The following TPM4 variants were observed in gnomAD, a reference collection of about 807,000 sequenced individuals.
The protein encoded by TPM4 is tropomyosin 4, also known as tropomyosin alpha-4 chain.
TPM4 carries 17 observed loss-of-function variants against 35.8 expected under a neutral mutation model. The observed-to-expected ratio is 0.47, with a 90% confidence interval of 0.32 to 0.71. The LOEUF (loss-of-function observed/expected upper bound fraction) is 0.71, where lower values mean the gene tolerates loss of function less well. Among genes scored for constraint, TPM4 ranks in the 30% least tolerant of loss-of-function variants. The pLI, the probability that TPM4 is intolerant of heterozygous loss-of-function variation, is 0.03. For missense variants in TPM4, 240 were observed against 320.9 expected (o/e 0.75, Z 1.93); for synonymous variants, 120 against 122.9 (o/e 0.98, Z 0.15).
At chr19:16,090,863 C>A (rs972769366) in intron 5 of TPM4, among the ~76,000 whole-genome samples, 2 of 136,228 alleles carry the variant, frequency 1.5e-5, no homozygotes, top group African/African-American at 5.6e-5. Flanking sequence ...GATGGTGTTT[C>A]ACCATGTTGC....
upstream of TPM4, among the ~76,000 whole-genome samples, chr19:16,074,007 T>A (rs539182428): frequency 7.6e-4 from 81 of 107,058 alleles, no homozygotes; most frequent in African/African-American, 2.6e-3. Context: ...AAGATCAGGT[T>A]AAAAAAAAAA....
chr19:16,084,320 A>G (rs1033724907), intron 2 of TPM4, among the ~76,000 whole-genome samples: 4 of 152,246 alleles, frequency 2.6e-5, no homozygotes, highest in Non-Finnish European at 5.9e-5. Flanking sequence ...CTTCCCAAGT[A>G]GTGGAACAGC....
upstream of TPM4, chr19:16,075,323 G>A (rs769832196): frequency 6.6e-6 from 1 of 152,088 alleles, no homozygotes; most frequent in African/African-American, 2.4e-5. Context: ...ATAAACAGAG[G>A]ACTGAAAATT....
chr19:16,067,543 G>T lies in TPM4; in HGVS notation c.-82G>T. 3 of 1,316,682 alleles carry T rather than the reference G, an allele frequency of 2.3e-6. No individual in the cohort carries two copies. The highest frequency in any genetic ancestry group is 3.2e-6 in the Non-Finnish European group (3 of 944,172). 81.6% of individuals were successfully genotyped at this position (1,316,682 alleles called of 1,614,324 possible). A position where few individuals can be genotyped will look rare whatever the true frequency, so the allele number is the denominator to read the frequency against. ...TCCTCCACCCTGCCAGGCTCACTCT[G>T]CCCCACAGCCACAGCCCCTGACTGC... On this transcript the variant is annotated 5_prime_UTR_variant, in exon 2 of 3. Transcript: ENST00000589897. This position sits in a 1 kb window ranked among gnomAD's most constrained non-coding sequence, Gnocchi z 4.1.
upstream of TPM4, among the ~76,000 whole-genome samples, chr19:16,073,136 G>C (rs1332484389): frequency 6.6e-6 from 1 of 152,042 alleles, no homozygotes; most frequent in Non-Finnish European, 1.5e-5. Context: ...TTGAGCCCAG[G>C]AGTTCGAGAC....
At chr19:16,101,054 C>A in intron 7 of TPM4, 1 of 383,604 alleles carries the variant, frequency 2.6e-6, no homozygotes, top group Non-Finnish European at 5.0e-6. Context: ...GTCTGTAATC[C>A]CAGCTACTCG....
At chr19:16,075,978 A>T, upstream of TPM4, 1 of 1,537,264 alleles carries the variant, frequency 6.5e-7, no homozygotes, top group East Asian at 2.4e-5. Flanking sequence ...ATTGGGGGGG[A>T]CCGCCCCTGC....
chr19:16,100,291 C>T (rs1476981472), intron 7 of TPM4: 1 of 152,164 alleles, frequency 6.6e-6, no homozygotes, highest in African/African-American at 2.4e-5. Context: ...AAATACAGGA[C>T]ACCAACTTAA....
upstream of TPM4, chr19:16,075,024 G>C (rs556392419): frequency 2.6e-5 from 4 of 152,336 alleles, no homozygotes; most frequent in Admixed American, 1.3e-4. Context: ...CCCAGGAGGC[G>C]GAGGTTGCAG....
At chr19:16,099,336 G>T (rs922681197) in intron 7 of TPM4, among the ~76,000 whole-genome samples, 2 of 146,142 alleles carry the variant, frequency 1.4e-5, no homozygotes, top group African/African-American at 4.9e-5. Context: ...GGTGTCTCAT[G>T]CCAGTAATCC....
At chr19:16,097,141 A>G (rs1300461685) in intron 7 of TPM4, among the ~76,000 whole-genome samples, 1 of 151,032 alleles carries the variant, frequency 6.6e-6, no homozygotes, top group Non-Finnish European at 1.5e-5. Flanking sequence ...TTCAGTAGAG[A>G]TGGGGTTTCA....
intron 2 of TPM4, among the ~76,000 whole-genome samples, chr19:16,068,934 C>T (rs751544993): frequency 2.0e-5 from 3 of 152,206 alleles, no homozygotes; most frequent in Admixed American, 1.3e-4. Flanking sequence ...TGGGACGCTG[C>T]GTGCGGCTGT....
chr19:16,079,922 G>A (rs779508510), intron 1 of TPM4: 6 of 176,556 alleles, frequency 3.4e-5, no homozygotes, highest in South Asian at 4.0e-4. Flanking sequence ...GGCTGGTCTC[G>A]AACTCCTGAC....
upstream of TPM4, among the ~76,000 whole-genome samples, chr19:16,074,051 T>C (rs572410066): frequency 3.2e-3 from 392 of 121,978 alleles, no homozygotes; most frequent in Middle Eastern, 0.013. Context: ...CACACACACA[T>C]ATGGGGCACC....
At chr19:16,088,579 C>A in intron 4 of TPM4, 3 of 1,033,400 alleles carry the variant, frequency 2.9e-6, no homozygotes. Flanking sequence ...CTCTTGGCCC[C>A]GGGTGAGGAA....
intron 7 of TPM4, among the ~76,000 whole-genome samples, chr19:16,096,838 A>G (rs1244437757): frequency 2.7e-5 from 4 of 150,264 alleles, no homozygotes; most frequent in African/African-American, 9.8e-5. Context: ...TATAACAGGA[A>G]CCTTGCTTTA....
chr19:16,077,849 C>T (rs1192202333), intron 1 of TPM4: 3 of 266,538 alleles, frequency 1.1e-5, no homozygotes, highest in Admixed American at 5.4e-5. Flanking sequence ...GCAACCTCCA[C>T]CCCCCGAGTT....
rs2090346808 is a variant in TPM4, at chr19:16,070,565, T to TA, written c.114+2828dup. Among the ~76,000 whole-genome samples the TA allele has an allele frequency of 6.6e-6, 1 of 152,218 alleles. No homozygotes were observed. On this transcript the variant is annotated intron_variant, in intron 2 of 2. Transcript: ENST00000589897. This position sits in a 1 kb window ranked among gnomAD's most constrained non-coding sequence, Gnocchi z 7.4. ...CATGTTTGAGTCATGGCTCAGTCGCTAGGTGTCCCGGACGCCTGCATGAGT... is the reference window on the plus strand; with the variant it reads ...CATGTTTGAGTCATGGCTCAGTCGCTAAGGTGTCCCGGACGCCTGCATGAGT...
chr19:16,083,387 A>G (rs1168961740), intron 2 of TPM4, among the ~76,000 whole-genome samples: 1 of 152,154 alleles, frequency 6.6e-6, no homozygotes, highest in Non-Finnish European at 1.5e-5. Flanking sequence ...CAGAGGGTGC[A>G]GTGAGCCAAG....
Sources: allele counts gnomAD v4.1 joint callset (sites outside exome capture counted in the v4.1 genomes callset), GRCh38; gene constraint gnomAD v4.1.1; non-coding constraint Gnocchi (gnomAD v3.1); transcripts MANE v1.5; gene names NCBI Gene and HGNC (gene_info 2026-07-23, HGNC 2026-07-21).